Variants in MAP2K1 observed in about 807,000 individuals in gnomAD.
The protein encoded by MAP2K1 is dual specificity mitogen-activated protein kinase kinase 1.
MAP2K1 carries 16 observed loss-of-function variants against 46.3 expected under a neutral mutation model. The ratio of observed to expected loss-of-function variants is 0.35; its 90% CI spans 0.23 to 0.52. The LOEUF (loss-of-function observed/expected upper bound fraction) is 0.52, where lower values mean the gene tolerates loss of function less well. Among genes scored for constraint, MAP2K1 ranks in the 20% least tolerant of loss-of-function variants. The pLI is 0.94. For synonymous variants in MAP2K1, 183 were observed against 185.6 expected (o/e 0.99, Z 0.11); for missense variants, 263 against 497.1 (o/e 0.53, Z 4.48).
intron 5 of MAP2K1, among the ~76,000 whole-genome samples, chr15:66,473,533 G>A (rs557981865): frequency 3.3e-4 from 51 of 152,262 alleles, no homozygotes; most frequent in Non-Finnish European, 6.5e-4. Context: ...AAAAAAAAGA[G>A]TGCTGTCAGG....
intron 1 of MAP2K1, among the ~76,000 whole-genome samples, chr15:66,390,227 C>G (rs2093353426): frequency 6.6e-6 from 1 of 152,300 alleles, no homozygotes; most frequent in South Asian, 2.1e-4. Flanking sequence ...CAAACAGGGA[C>G]TGTTTCCCTG....
At chr15:66,439,649 C>T (rs538636440) in intron 3 of MAP2K1, among the ~76,000 whole-genome samples, 1 of 152,246 alleles carries the variant, frequency 6.6e-6, no homozygotes, top group Non-Finnish European at 1.5e-5. Context: ...GCCTGTAATC[C>T]CAGCTACTTG....
At chr15:66,470,448 A>G (rs895180754) in intron 5 of MAP2K1, among the ~76,000 whole-genome samples, 1 of 152,180 alleles carries the variant, frequency 6.6e-6, no homozygotes, top group African/African-American at 2.4e-5. Flanking sequence ...TCCCTGTTGG[A>G]AGCAAGCTCA....
At chr15:66,405,518 A>G (rs552779687) in intron 1 of MAP2K1, among the ~76,000 whole-genome samples, 101 of 152,128 alleles carry the variant, frequency 6.6e-4, no homozygotes, top group Admixed American at 5.3e-3. Context: ...CTTTTATTCC[A>G]CAAAGGAGAA....
At chr15:66,467,614 G>A (rs1412081122) in intron 5 of MAP2K1, among the ~76,000 whole-genome samples, 1 of 152,096 alleles carries the variant, frequency 6.6e-6, no homozygotes, top group Non-Finnish European at 1.5e-5. Context: ...AGGCTAGAGT[G>A]CAGTGACATG....
At chr15:66,437,218 T>G (rs1371930470) in intron 3 of MAP2K1, among the ~76,000 whole-genome samples, 1 of 152,184 alleles carries the variant, frequency 6.6e-6, no homozygotes, top group African/African-American at 2.4e-5. Context: ...ATCCATTTCT[T>G]GTGTACAATG....
chr15:66,399,478 G>C (rs147581388), intron 1 of MAP2K1, among the ~76,000 whole-genome samples: 4 of 151,526 alleles, frequency 2.6e-5, no homozygotes, highest in African/African-American at 7.3e-5. Flanking sequence ...ATAGGATCTC[G>C]CTTGCTGTGT....
At chr15:66,487,162 C>G in intron 7 of MAP2K1, 66 bp from the exon 8 acceptor site, 1 of 1,372,334 alleles carries the variant, frequency 7.3e-7, no homozygotes, top group Non-Finnish European at 1.0e-6. Flanking sequence ...CATGCCCAAC[C>G]CCTTGCCTCA....
At position 66,425,690 on chromosome 15, in the gene MAP2K1, G is replaced by T. The variant is rs192815508; in HGVS notation, c.81-9337G>T. Among the ~76,000 whole-genome samples the T allele has an allele frequency of 9.2e-5, 14 of 152,258 alleles. No individual in the cohort carries two copies. The East Asian group carries it at 1.9e-3, about 21-fold the overall frequency. On this transcript the variant is annotated intron_variant, in intron 1 of 10. Transcript: ENST00000307102. ...GTACAACTACAAGGGTATCTACATA[G>T]ATCATACATTCACAAGGCATTATTA...
Position 66,411,041 on chromosome 15 carries a change from A to G in MAP2K1, c.80+23614A>G, listed in dbSNP as rs59654014. On this transcript the variant is annotated intron_variant, in intron 1 of 10. Transcript: ENST00000307102. ...GCTTTGTTCAGTTGAGTTTCCATCA[A>G]TATCAAATGCAATGTTATGTGCGTT... Among the ~76,000 whole-genome samples, 568 of 151,992 alleles carry G rather than the reference A, an allele frequency of 3.7e-3. 6 individuals carry two copies. The highest frequency in any genetic ancestry group is 0.013 in the African/African-American group (554 of 41,450).
chr15:66,459,593 G>A (rs937749951), intron 5 of MAP2K1, among the ~76,000 whole-genome samples: 1 of 149,856 alleles, frequency 6.7e-6, no homozygotes, highest in African/African-American at 2.5e-5. Context: ...ACTCCAGTCT[G>A]GATGACAGAG....
intron 2 of MAP2K1, among the ~76,000 whole-genome samples, chr15:66,435,748 C>T (rs1284781010): frequency 6.6e-6 from 1 of 152,148 alleles, no homozygotes; most frequent in African/African-American, 2.4e-5. Context: ...CTTTTTTAGC[C>T]TTCTGTGTGC....
intron 5 of MAP2K1, among the ~76,000 whole-genome samples, chr15:66,448,793 G>A (rs1487953202): frequency 6.6e-6 from 1 of 151,992 alleles, no homozygotes; most frequent in African/African-American, 2.4e-5. Flanking sequence ...CACAAGGTCA[G>A]GAGTTCAAGA....
rs143819583 is a variant in MAP2K1 at position 66,462,934 on chromosome 15, C to T, written c.568+18227C>T. 3.0e-3 allele frequency among the ~76,000 whole-genome samples: 461 copies of T among 152,284 alleles called. 2 individuals carry two copies. The highest frequency in any genetic ancestry group is 0.01 in the African/African-American group (429 of 41,538). ...ACCAGAAAGCCACTGGAATTCTAGGCGGCCTTCCTGCTTATTCTGCGTGCT... is the reference window on the plus strand; with the variant it reads ...ACCAGAAAGCCACTGGAATTCTAGGTGGCCTTCCTGCTTATTCTGCGTGCT... On this transcript the variant is annotated intron_variant, in intron 5 of 10. Transcript: ENST00000307102.
intron 10 of MAP2K1, 60 bp from the exon 11 acceptor site, chr15:66,490,441 TG>T: frequency 8.2e-7 from 1 of 1,219,676 alleles, no homozygotes; most frequent in African/African-American, 1.5e-5. Context: ...TTTTCCTTCC[TG>T]GTGGGTTTTG....
intron 5 of MAP2K1, among the ~76,000 whole-genome samples, chr15:66,479,412 T>C (rs1892860831): frequency 6.6e-6 from 1 of 152,184 alleles, no homozygotes; most frequent in Non-Finnish European, 1.5e-5. Flanking sequence ...CTTAGACTTT[T>C]TGTTTTCATC....
At chr15:66,463,127 T>TGTGG in intron 5 of MAP2K1, among the ~76,000 whole-genome samples, 1 of 152,118 alleles carries the variant, frequency 6.6e-6, no homozygotes, top group Non-Finnish European at 1.5e-5. Flanking sequence ...TAGTGTACAT[T>TGTGG]GTGGGTGGGG....
intron 1 of MAP2K1, among the ~76,000 whole-genome samples, chr15:66,432,158 G>C (rs2093476472): frequency 6.6e-6 from 1 of 152,124 alleles, no homozygotes. Flanking sequence ...CAGGACTCTT[G>C]AATACTAGTG....
intron 5 of MAP2K1, among the ~76,000 whole-genome samples, chr15:66,448,944 C>T (rs1891952807): frequency 7.8e-6 from 1 of 127,722 alleles, no homozygotes; most frequent in Non-Finnish European, 1.6e-5. Flanking sequence ...GCAGAAGTTG[C>T]AGTGAGCTGA....
Sources: allele counts gnomAD v4.1 joint callset (sites outside exome capture counted in the v4.1 genomes callset), GRCh38; gene constraint gnomAD v4.1.1; transcripts MANE v1.5; gene names NCBI Gene and HGNC (gene_info 2026-07-23, HGNC 2026-07-21).